The following PRR4 variants were observed in gnomAD, a reference collection of about 807,000 sequenced individuals.
PRR4 encodes the protein proline-rich protein 4.
PRR4 carries 7 observed loss-of-function variants against 7.6 expected under a neutral mutation model. That is an observed-to-expected ratio of 0.92 (90% CI 0.52 to 1.73). PRR4 has a LOEUF of 1.73. Ranked by LOEUF, PRR4 falls within the 40% of genes most tolerant of loss-of-function variation. The pLI, the probability that PRR4 is intolerant of heterozygous loss-of-function variation, is 0.00. For missense variants in PRR4, 187 were observed against 161.0 expected (o/e 1.16, Z -0.87); for synonymous variants, 64 against 58.5 (o/e 1.09, Z -0.43).
rs201610973 is a variant in PRR4 at position 10,849,364 on chromosome 12, A to AT, written c.64+9dup. 8.2e-5 allele frequency: 129 copies of AT among 1,577,838 alleles called. No homozygotes were observed. The highest frequency in any genetic ancestry group is 1.7e-4 in the Middle Eastern group (1 of 5,762). On this transcript the variant is annotated intron_variant, in intron 1 of 3. Transcript: ENST00000228811. ...CCCCATCTCCTTTTTTAAAAAAATA[A>AT]TTTTTTTACCATTATCTGTGCTCTG...
At chr12:10,847,800 C>T (rs1389398606) in intron 2 of PRR4, among the ~76,000 whole-genome samples, 1 of 152,068 alleles carries the variant, frequency 6.6e-6, no homozygotes, top group Non-Finnish European at 1.5e-5. Flanking sequence ...GAAACTAGAG[C>T]TGATTTCCCA....
chr12:10,845,995 A>G, intron 3 of PRR4, 45 bp from the exon 4 acceptor site: 1 of 1,212,650 alleles, frequency 8.2e-7, no homozygotes, highest in Non-Finnish European at 1.1e-6. Flanking sequence ...ACAACATACA[A>G]CATGGCAAAA....
chr12:10,847,838 T>C (rs1044506193), intron 2 of PRR4, among the ~76,000 whole-genome samples: 12 of 152,310 alleles, frequency 7.9e-5, no homozygotes, highest in Middle Eastern at 3.4e-3. Context: ...AGAGAAATAC[T>C]AAGAGACAGA....
intron 3 of PRR4, 108 bp downstream of exon 3, chr12:10,846,937 G>A: frequency 9.4e-7 from 1 of 1,058,960 alleles, no homozygotes; most frequent in South Asian, 2.2e-5. Context: ...TAGAAATGGG[G>A]TCCAGGATTA....
Position 10,847,086 on chromosome 12 carries a change from G to A in PRR4, c.382C>T (p.Pro128Ser), listed in dbSNP as rs751047402. 3 of 1,599,506 alleles carry A rather than the reference G, an allele frequency of 1.9e-6. No homozygotes were observed. The highest frequency in any genetic ancestry group is 2.3e-5 in the South Asian group (2 of 88,784). ...GATTACCAGAGTGGTTGCTCCTGGG[G>A]ATGTCTTGCTGGTCTGTCCCTCTGG... ...FFQRDRPARH[P>S]QEQPLW Residue 128 changes from proline (P) to serine (S), a missense_variant, in exon 3 of 4, where the codon CCC becomes TCC. By Grantham distance (74) the Pro-to-Ser change is moderately conservative. Transcript: ENST00000228811.
Position 10,847,382 on chromosome 12 carries a change from A to C in PRR4, c.101-15T>G, listed in dbSNP as rs369836094. 1.7e-4 allele frequency: 254 copies of C among 1,460,072 alleles called. No homozygotes were observed. Among genetic ancestry groups the C allele is most frequent in the Non-Finnish European group, 2.2e-4 (242 of 1,095,426 alleles). The allele number at this position is 1,460,072 out of a possible 1,614,324, so 90.4% of individuals were successfully genotyped here. A position where few individuals can be genotyped will look rare whatever the true frequency, so the allele number is the denominator to read the frequency against. On this transcript the variant is annotated splice_polypyrimidine_tract_variant and intron_variant, in intron 2 of 3. Transcript: ENST00000228811. ...GTCCTCTACATCTGTGTGAGTAATT[A>C]ATGGACAAGAATGCATGAGCTCAGT...
rs955711249 is a variant in PRR4 at position 10,848,406 on chromosome 12, A to G, written c.66T>C (p.Asp22=). The change falls in exon 2 of 4, where the codon GAT becomes GAC. Residue 22 remains aspartate, a splice_region_variant and synonymous_variant. Coordinates refer to ENST00000228811, the MANE Select transcript of PRR4 (RefSeq NM_007244.3). ...TGAAAGTAAAGTCTTCATAGTTCAC[A>G]TCTAGGAAAAGAAGCACAGGATGAA... The part of the protein sequence containing the change: ...ALSSAQSTDN[D]VNYEDFTFTI... 3 of 1,611,152 alleles carry G rather than the reference A, an allele frequency of 1.9e-6. No homozygotes were observed. The highest frequency in any genetic ancestry group is 1.7e-6 in the Non-Finnish European group (2 of 1,177,566).
chr12:10,847,453 A>G, intron 2 of PRR4, 86 bp from the exon 3 acceptor site: 1 of 1,051,796 alleles, frequency 9.5e-7, no homozygotes, highest in Non-Finnish European at 1.3e-6. Flanking sequence ...CTTACCACAC[A>G]GCCCTGTTCT....
chr12:10,848,182 C>T (rs988705571), intron 2 of PRR4, among the ~76,000 whole-genome samples, 190 bp downstream of exon 2: 7 of 152,132 alleles, frequency 4.6e-5, no homozygotes, highest in Non-Finnish European at 8.8e-5. Flanking sequence ...TGGCCTGGCT[C>T]ATGGTCCCCA....
rs994051191 is a variant in PRR4, at chr12:10,849,357, A to C, written c.64+17T>G. 19 of 1,568,162 alleles carry C rather than the reference A, an allele frequency of 1.2e-5. No homozygotes were observed. The Admixed American group carries it at 2.8e-4, about 23-fold the overall frequency. On this transcript the variant is annotated intron_variant, in intron 1 of 3. Transcript: ENST00000228811. ...TCCCACTCCCCATCTCCTTTTTTAA[A>C]AAAATAATTTTTTTACCATTATCTG...
intron 3 of PRR4, 29 bp from the exon 4 acceptor site, chr12:10,845,979 T>G (rs1394873166): frequency 3.0e-6 from 4 of 1,314,514 alleles, no homozygotes; most frequent in African/African-American, 1.5e-5. Context: ...CCAAGGAAAT[T>G]TATACACAAC....
In PRR4 at chr12:10,846,942, G is replaced by T. The variant is rs1302637817; in HGVS notation, c.*18+103C>A. The T allele has an allele frequency of 5.3e-6, 6 of 1,123,304 alleles. No individual in the cohort carries two copies. In the Admixed American group the frequency reaches 1.5e-4, roughly 29 times the overall value. The allele number at this position is 1,123,304 out of a possible 1,614,324, so 69.6% of individuals were successfully genotyped here. A position where few individuals can be genotyped will look rare whatever the true frequency, so the allele number is the denominator to read the frequency against. ...TACAAATCTTTAGAAATGGGGTCCA[G>T]GATTATGTAATTTCAACATATTTCC... On this transcript the variant is annotated intron_variant, in intron 3 of 3. Coordinates refer to ENST00000228811, the MANE Select transcript of PRR4 (RefSeq NM_007244.3).
intron 3 of PRR4, among the ~76,000 whole-genome samples, chr12:10,846,473 G>A (rs1285552799): frequency 6.6e-6 from 1 of 152,078 alleles, no homozygotes; most frequent in Admixed American, 6.6e-5. Context: ...GAAGGGTGTG[G>A]GTAAGTAGGA....
At chr12:10,845,993 C>G in intron 3 of PRR4, 43 bp from the exon 4 acceptor site, 1 of 1,237,074 alleles carries the variant, frequency 8.1e-7, no homozygotes, top group Non-Finnish European at 1.1e-6. Context: ...ACACAACATA[C>G]AACATGGCAA....
Position 10,848,487 on chromosome 12 carries a change from T to A in PRR4, c.65-80A>T, listed in dbSNP as rs1565431570. On this transcript the variant is annotated intron_variant, in intron 1 of 3. Coordinates refer to ENST00000228811, the MANE Select transcript of PRR4 (RefSeq NM_007244.3). ...TCATAGTGGTCTATAGGGAAAGGGG[T>A]CTTCTGGCCACACCCTGTGCATCCC... 4 of 1,365,656 alleles carry A rather than the reference T, an allele frequency of 2.9e-6. No homozygotes were observed. The South Asian group carries it at 3.8e-5, about 13-fold the overall frequency. The allele number at this position is 1,365,656 out of a possible 1,614,324, so 84.6% of individuals were successfully genotyped here. A position where few individuals can be genotyped will look rare whatever the true frequency, so the allele number is the denominator to read the frequency against.
At position 10,847,337 on chromosome 12, in the gene PRR4, T is replaced by C; in HGVS notation, c.131A>G (p.Gln44Arg). 1.3e-6 allele frequency: 2 copies of C among 1,556,256 alleles called. No homozygotes were observed. Reference protein sequence around the residue: ...DVEDSSQRPDQGPQRPPPEGL... With the variant: ...DVEDSSQRPDRGPQRPPPEGL... Reference sequence around the variant, plus strand: ...TTCAGGAGGAGGTCTCTGGGGTCCCTGATCTGGTCTCTGACTTGAGTCCTC... The same window carrying C: ...TTCAGGAGGAGGTCTCTGGGGTCCCCGATCTGGTCTCTGACTTGAGTCCTC... Residue 44 changes from glutamine (Q) to arginine (R), a missense_variant, in exon 3 of 4, where the codon CAG becomes CGG. Transcript: ENST00000228811.
chr12:10,846,729 C>A (rs1223503883), intron 3 of PRR4, among the ~76,000 whole-genome samples: 1 of 152,120 alleles, frequency 6.6e-6, no homozygotes, highest in Non-Finnish European at 1.5e-5. Flanking sequence ...TTTGAGAAGG[C>A]AGACTCAAAG....
chr12:10,849,328 C>T, intron 1 of PRR4, 46 bp downstream of exon 1: 1 of 1,316,078 alleles, frequency 7.6e-7, no homozygotes, highest in Non-Finnish European at 1.0e-6. Context: ...GTCATGGCCC[C>T]TCATCCCACT....
intron 3 of PRR4, 22 bp from the exon 4 acceptor site, chr12:10,845,972 A>G (rs1949011534): frequency 1.5e-6 from 2 of 1,328,100 alleles, no homozygotes; most frequent in Admixed American, 2.9e-5. Context: ...AAAAAAACCA[A>G]GGAAATTTAT....
Sources: gnomAD v4.1 joint callset for allele counts (sites outside exome capture counted in the v4.1 genomes callset) on GRCh38, gnomAD v4.1.1 for gene constraint, MANE v1.5 for transcripts, NCBI Gene and HGNC (gene_info 2026-07-23, HGNC 2026-07-21) for gene names.